The following RBFOX1 variants were observed in gnomAD, a reference collection of about 807,000 sequenced individuals.
RBFOX1 encodes the protein RNA binding protein fox-1 homolog 1.
In RBFOX1, 8 loss-of-function variants were observed where a neutral mutation model predicts 57.7. That is an observed-to-expected ratio of 0.14 (90% CI 0.08 to 0.25). The LOEUF (loss-of-function observed/expected upper bound fraction) is 0.25. Among genes scored for constraint, RBFOX1 ranks in the 10% least tolerant of loss-of-function variants. The pLI is 1.00. For missense variants in RBFOX1, 611 were observed against 548.5 expected, an observed-to-expected ratio of 1.11 and a Z score of -1.14; for synonymous variants, 326 against 222.4, an observed-to-expected ratio of 1.47 and a Z score of -4.15.
chr16:7,105,486 C>A (rs1023825251), intron 4 of RBFOX1, among the ~76,000 whole-genome samples: 1 of 152,020 alleles, frequency 6.6e-6, no homozygotes, highest in Non-Finnish European at 1.5e-5. Context: ...GCACTTCCAC[C>A]CTTTCCCCTG....
chr16:6,712,993 C>T (rs2064010176), intron 3 of RBFOX1, among the ~76,000 whole-genome samples: 1 of 146,596 alleles, frequency 6.8e-6, no homozygotes, highest in African/African-American at 2.5e-5. Flanking sequence ...TGCTCTCTTG[C>T]CTGCCGCCAT....
intron 1 of RBFOX1, among the ~76,000 whole-genome samples, chr16:6,234,415 A>C (rs1299509739): frequency 6.6e-6 from 1 of 152,150 alleles, no homozygotes; most frequent in African/African-American, 2.4e-5. Context: ...GATAGGGGCT[A>C]TTTTTATTGG....
rs950751985 is a variant in RBFOX1 at position 7,169,574 on chromosome 16, A to G, written c.27+117476A>G. Among the ~76,000 whole-genome samples, 16 of 152,338 alleles carry G rather than the reference A, an allele frequency of 1.1e-4. No individual in the cohort carries two copies. The Middle Eastern group carries it at 0.02, about 194-fold the overall frequency. On this transcript the variant is annotated intron_variant, in intron 4 of 15. Coordinates refer to ENST00000550418, the MANE Select transcript of RBFOX1 (RefSeq NM_018723.4). The stretch of plus-strand genomic sequence containing the variant: ...AACAGTGATGTACATGATTAATTGC[A>G]TCTTCAACACATTCCTACCAGGTAG...
At chr16:7,466,746 T>C (rs1356990975) in intron 4 of RBFOX1, among the ~76,000 whole-genome samples, 1 of 152,182 alleles carries the variant, frequency 6.6e-6, no homozygotes, top group Non-Finnish European at 1.5e-5. Context: ...TCCACATCAT[T>C]CCTAGGTGTG....
intron 3 of RBFOX1, among the ~76,000 whole-genome samples, chr16:5,709,561 C>T (rs74006219): frequency 1.3e-5 from 2 of 151,670 alleles, no homozygotes; most frequent in Non-Finnish European, 2.9e-5. Context: ...TAATCCATCT[C>T]TCATTCTCCC....
intron 2 of RBFOX1, among the ~76,000 whole-genome samples, chr16:6,564,754 T>C (rs971940411): frequency 1.4e-4 from 22 of 152,204 alleles, no homozygotes; most frequent in African/African-American, 4.8e-4. Flanking sequence ...TGTTAATTTA[T>C]TTGATTGCGG....
At chr16:5,519,747 C>T (rs908055481) in intron 2 of RBFOX1, among the ~76,000 whole-genome samples, 3 of 152,100 alleles carry the variant, frequency 2.0e-5, no homozygotes, top group African/African-American at 7.2e-5. Context: ...CTGTTAAATA[C>T]TCTAGACCTG....
intron 1 of RBFOX1, among the ~76,000 whole-genome samples, chr16:6,056,003 T>C (rs958633916): frequency 6.6e-6 from 1 of 152,198 alleles, no homozygotes; most frequent in Non-Finnish European, 1.5e-5. Context: ...TACTATGTGA[T>C]AGAATTTGTT....
intron 3 of RBFOX1, among the ~76,000 whole-genome samples, chr16:5,833,099 T>A (rs2151830831): frequency 6.6e-6 from 1 of 152,284 alleles, no homozygotes; most frequent in East Asian, 1.9e-4. Flanking sequence ...TGCAAGGGTC[T>A]GGGTAAGAAC....
At chr16:5,792,922 C>G (rs963428006) in intron 3 of RBFOX1, among the ~76,000 whole-genome samples, 3 of 152,132 alleles carry the variant, frequency 2.0e-5, no homozygotes, top group Non-Finnish European at 4.4e-5. Flanking sequence ...TCTTCATTCT[C>G]ATATTCTTTG....
At chr16:5,531,702 C>G (rs781462292) in intron 2 of RBFOX1, among the ~76,000 whole-genome samples, 2 of 152,160 alleles carry the variant, frequency 1.3e-5, no homozygotes, top group Non-Finnish European at 2.9e-5. Flanking sequence ...AAAGCAGTGC[C>G]TGGCACATAG....
At chr16:7,271,401 A>G (rs1214789861) in intron 4 of RBFOX1, among the ~76,000 whole-genome samples, 1 of 151,720 alleles carries the variant, frequency 6.6e-6, no homozygotes, top group East Asian at 1.9e-4. Context: ...ATTTTTTTCT[A>G]CATCTAAAAA....
At chr16:7,241,736 A>G (rs1396378593) in intron 4 of RBFOX1, among the ~76,000 whole-genome samples, 1 of 151,938 alleles carries the variant, frequency 6.6e-6, no homozygotes, top group Non-Finnish European at 1.5e-5. Context: ...CATATACACA[A>G]ACACACACAC....
chr16:6,993,256 C>A (rs888381049), intron 3 of RBFOX1, among the ~76,000 whole-genome samples: 2 of 152,186 alleles, frequency 1.3e-5, no homozygotes, highest in Non-Finnish European at 2.9e-5. Context: ...CTGCACACAC[C>A]TTCCTGGGAG....
chr16:5,883,326 A>G (rs1031066202), intron 4 of RBFOX1, among the ~76,000 whole-genome samples: 1 of 152,210 alleles, frequency 6.6e-6, no homozygotes, highest in African/African-American at 2.4e-5. Context: ...CTTACCCCGA[A>G]AGAGAAAACA....
At chr16:6,436,764 A>G (rs2094247463) in intron 2 of RBFOX1, among the ~76,000 whole-genome samples, 1 of 152,150 alleles carries the variant, frequency 6.6e-6, no homozygotes, top group Non-Finnish European at 1.5e-5. Flanking sequence ...GTAGTAACTC[A>G]GTGATTATTT....
rs1266477588 is a variant in RBFOX1, at chr16:6,584,668, C to G, written c.-63-69935C>G. ...ACAGGCATGAGCCACCATGCCCGGC[C>G]TGTGTTTTCTTTTAAAATACAGCAC... On this transcript the variant is annotated intron_variant, in intron 2 of 15. Coordinates refer to ENST00000550418, the MANE Select transcript of RBFOX1 (RefSeq NM_018723.4). Among the ~76,000 whole-genome samples the G allele has an allele frequency of 2.6e-5, 4 of 152,122 alleles. No homozygotes were observed. The East Asian group carries it at 7.8e-4, about 30-fold the overall frequency.
At chr16:6,347,816 A>G (rs2085640602) in intron 2 of RBFOX1, among the ~76,000 whole-genome samples, 1 of 152,244 alleles carries the variant, frequency 6.6e-6, no homozygotes, top group African/African-American at 2.4e-5. Context: ...CTAACTAAAC[A>G]GCAGTTGTTT....
rs563413647 is a variant in RBFOX1, at chr16:6,970,626, GA to G, written c.-15-81429del. ...AAAGCACTCCCTCCTGCCTCTTTTG[GA>G]AGGGCACTAATCCCATTTGTGAGGG... On this transcript the variant is annotated intron_variant, in intron 3 of 15. Transcript: ENST00000550418. 1.3e-4 allele frequency among the ~76,000 whole-genome samples: 20 copies of G among 152,230 alleles called. 1 individual carries two copies. In the South Asian group the frequency reaches 2.7e-3, roughly 21 times the overall value.
Sources: allele counts gnomAD v4.1 joint callset (sites outside exome capture counted in the v4.1 genomes callset), GRCh38; gene constraint gnomAD v4.1.1; transcripts MANE v1.5; gene names NCBI Gene and HGNC (gene_info 2026-07-23, HGNC 2026-07-21).